The following TYW1B variants were observed in gnomAD, a reference collection of about 807,000 sequenced individuals.
TYW1B encodes the protein S-adenosyl-L-methionine-dependent tRNA 4-demethylwyosine synthase TYW1B.
Under a neutral mutation model 86.9 loss-of-function variants are expected in TYW1B, and 73 were observed. The observed-to-expected ratio is 0.84, with a 90% CI of 0.70 to 1.02. TYW1B has a LOEUF of 1.02. Among genes scored for constraint, TYW1B ranks in the 50% least tolerant of loss-of-function variants. The probability of loss-of-function intolerance (pLI) is 0.00; values close to 1 mark genes in which losing one functional copy is unlikely to be tolerated. For synonymous variants in TYW1B, 248 were observed against 292.8 expected, an observed-to-expected ratio of 0.85 and a Z score of 1.56; for missense variants, 637 against 827.4, an observed-to-expected ratio of 0.77 and a Z score of 2.82.
At chr7:72,813,040 T>G (rs782411125) in intron 3 of TYW1B, among the ~76,000 whole-genome samples, 6 of 152,186 alleles carry the variant, frequency 3.9e-5, no homozygotes, top group Non-Finnish European at 8.8e-5. Context: ...CCATATTCAT[T>G]CATTTACATA....
chr7:72,604,445 G>A (rs1374533675), intron 13 of TYW1B, among the ~76,000 whole-genome samples: 4 of 152,114 alleles, frequency 2.6e-5, no homozygotes, highest in Non-Finnish European at 5.9e-5. Flanking sequence ...CTGGGCGACA[G>A]AGTGAGACTC....
chr7:72,688,638 A>C (rs1325502126), intron 11 of TYW1B, among the ~76,000 whole-genome samples: 1 of 152,080 alleles, frequency 6.6e-6, no homozygotes, highest in African/African-American at 2.4e-5. Context: ...TTCTTTAGGC[A>C]CTTCTTGGGT....
At chr7:72,633,018 G>T (rs1812579820) in intron 11 of TYW1B, among the ~76,000 whole-genome samples, 4 of 152,038 alleles carry the variant, frequency 2.6e-5, no homozygotes, top group Admixed American at 2.6e-4. Context: ...GAAGAAACCA[G>T]CAGGAACCAG....
At chr7:72,769,074 G>A (rs1490894220) in intron 7 of TYW1B, 7 of 383,186 alleles carry the variant, frequency 1.8e-5, no homozygotes, top group African/African-American at 8.7e-5. Flanking sequence ...AAGGAACACG[G>A]AGGCTAGTCT....
intron 7 of TYW1B, among the ~76,000 whole-genome samples, chr7:72,748,630 G>C (rs1364198443): frequency 4.0e-5 from 6 of 151,160 alleles, no homozygotes; most frequent in African/African-American, 1.5e-4. Flanking sequence ...AACTTGCTAA[G>C]AGTTTTTAAT....
At chr7:72,695,072 T>C (rs1325075157) in intron 10 of TYW1B, among the ~76,000 whole-genome samples, 2 of 152,152 alleles carry the variant, frequency 1.3e-5, no homozygotes, top group African/African-American at 2.4e-5. Flanking sequence ...TTGGCCCTTC[T>C]TCAAATACTA....
At chr7:72,610,694 C>A (rs1376115409) in intron 13 of TYW1B, among the ~76,000 whole-genome samples, 4 of 152,188 alleles carry the variant, frequency 2.6e-5, no homozygotes, top group South Asian at 2.1e-4. Context: ...CCAGGCTGAG[C>A]TAGAATTCCT....
intron 13 of TYW1B, among the ~76,000 whole-genome samples, chr7:72,614,632 T>TAAAAAAAAAAA (rs34879859): frequency 1.5e-5 from 2 of 133,008 alleles, no homozygotes. Flanking sequence ...GACTCCATCT[T>TAAAAAAAAAAA]AAAAAAAAAA....
At chr7:72,749,912 G>GTT (rs35656387) in intron 7 of TYW1B, among the ~76,000 whole-genome samples, 12,221 of 118,930 alleles carry the variant, frequency 0.1, 861 homozygotes, top group African/African-American at 0.12. Context: ...GGTTTTTTTT[G>GTT]TTTTTTTTTT....
chr7:72,749,810 G>C (rs1446532910), intron 7 of TYW1B, among the ~76,000 whole-genome samples: 1 of 147,416 alleles, frequency 6.8e-6, no homozygotes, highest in Non-Finnish European at 1.5e-5. Flanking sequence ...CATTTCTAAT[G>C]TAAGAATTTA....
rs57744814 is a variant in TYW1B at position 72,672,473 on chromosome 7, A to AACACACACACACACACACACACAC, written c.1506+22190_1506+22213dup. On this transcript the variant is annotated intron_variant, in intron 11 of 13. Coordinates refer to ENST00000620995, the MANE Select transcript of TYW1B (RefSeq NM_001145440.3). ...GAATTTATTTGGGCATACACACACA[A>AACACACACACACACACACACACAC]ACACACACACACACACACACACACA... Among the ~76,000 whole-genome samples, 123 of 140,876 alleles carry AACACACACACACACACACACACAC rather than the reference A, an allele frequency of 8.7e-4. 3 individuals carry two copies. The highest frequency in any genetic ancestry group is 2.2e-3 in the East Asian group (10 of 4,586). 92.4% of individuals were successfully genotyped at this position (140,876 alleles called of 152,430 possible).
chr7:72,803,383 TG>T (rs1438339165), intron 5 of TYW1B, among the ~76,000 whole-genome samples: 1 of 151,914 alleles, frequency 6.6e-6, no homozygotes, highest in African/African-American at 2.4e-5. Flanking sequence ...GTAGAGGAAA[TG>T]TGACATCACT....
chr7:72,780,541 C>T (rs1204624059), intron 6 of TYW1B, among the ~76,000 whole-genome samples: 1 of 152,164 alleles, frequency 6.6e-6, no homozygotes, highest in African/African-American at 2.4e-5. Context: ...CCCAAAGCTC[C>T]ACAGACACCC....
chr7:72,578,497 G>C (rs1811077917), intron 13 of TYW1B, among the ~76,000 whole-genome samples: 1 of 152,088 alleles, frequency 6.6e-6, no homozygotes, highest in Admixed American at 6.6e-5. Flanking sequence ...AGACATGATG[G>C]GATTTTGCTG....
In TYW1B at chr7:72,775,891, T is replaced by C. The variant is rs546161648; in HGVS notation, c.964+1525A>G. Among the ~76,000 whole-genome samples the C allele has an allele frequency of 2.0e-5, 3 of 152,280 alleles. No individual in the cohort carries two copies. The East Asian group carries it at 5.8e-4, about 29-fold the overall frequency. Reference sequence around the variant, plus strand: ...GATTCTAAGATTCTAAGTATATAAATCTTTAGTACATAATTAAATAGATGT... The same window carrying C: ...GATTCTAAGATTCTAAGTATATAAACCTTTAGTACATAATTAAATAGATGT... On this transcript the variant is annotated intron_variant, in intron 7 of 13. Transcript: ENST00000620995.
chr7:72,810,696 C>T, intron 3 of TYW1B, 31 bp from the exon 4 acceptor site: 2 of 1,566,406 alleles, frequency 1.3e-6, no homozygotes, highest in South Asian at 1.2e-5. Context: ...TTCAGTGGAA[C>T]ATACAAGGCA....
At chr7:72,662,625 A>AT (rs577941673) in intron 11 of TYW1B, among the ~76,000 whole-genome samples, 1 of 152,148 alleles carries the variant, frequency 6.6e-6, no homozygotes, top group Non-Finnish European at 1.5e-5. Flanking sequence ...GGCAAAACAC[A>AT]TTTTTCCCCC....
At chr7:72,627,843 A>C (rs1585859248) in intron 12 of TYW1B, among the ~76,000 whole-genome samples, 1 of 152,312 alleles carries the variant, frequency 6.6e-6, no homozygotes, top group East Asian at 1.9e-4. Flanking sequence ...ACAAAATCTA[A>C]AATATAAACA....
chr7:72,728,741 A>G, intron 9 of TYW1B, 81 bp downstream of exon 9: 1 of 1,397,164 alleles, frequency 7.2e-7, no homozygotes, highest in Non-Finnish European at 9.7e-7. Flanking sequence ...ACAAAATCCT[A>G]CCAAAGAGGC....
Sources: allele counts gnomAD v4.1 joint callset (sites outside exome capture counted in the v4.1 genomes callset), GRCh38; gene constraint gnomAD v4.1.1; transcripts MANE v1.5; gene names NCBI Gene and HGNC (gene_info 2026-07-23, HGNC 2026-07-21).